Variants in CRACD observed in about 807,000 individuals in gnomAD.
The protein encoded by CRACD is capping protein inhibiting regulator of actin dynamics.
A neutral mutation model predicts 106.8 loss-of-function variants in CRACD; 56 were observed. The observed-to-expected ratio is 0.52, with a 90% CI of 0.42 to 0.66. The LOEUF (loss-of-function observed/expected upper bound fraction) is 0.66, where lower values mean the gene tolerates loss of function less well. Among genes scored for constraint, CRACD ranks in the 30% least tolerant of loss-of-function variants. The probability of loss-of-function intolerance (pLI) is 0.00; values close to 1 mark genes in which losing one functional copy is unlikely to be tolerated. For missense variants in CRACD, 1,730 were observed against 1,623.2 expected, an observed-to-expected ratio of 1.07 and a Z score of -1.13; for synonymous variants, 754 against 670.8, an observed-to-expected ratio of 1.12 and a Z score of -1.92.
chr4:56,257,409 G>T (rs112848640), intron 2 of CRACD, among the ~76,000 whole-genome samples: 4,238 of 151,942 alleles, frequency 0.028, 88 homozygotes, highest in South Asian at 0.097. Context: ...GGCCCTGTGG[G>T]CTGGGTGCAG....
chr4:56,145,601 T>C (rs927662041), intron 1 of CRACD, among the ~76,000 whole-genome samples: 1 of 152,092 alleles, frequency 6.6e-6, no homozygotes, highest in Non-Finnish European at 1.5e-5. Flanking sequence ...TATTTTCATA[T>C]ATTATTTTTT....
rs183424515 is a variant in CRACD, at chr4:56,243,514, A to G, written c.-188-28807A>G. On this transcript the variant is annotated intron_variant, in intron 2 of 10. Coordinates refer to ENST00000682029, the MANE Select transcript of CRACD (RefSeq NM_001393381.1). ...AACTTAGTCTATAAACAAATACACTATATTAAAAAACAAAACACCTGGCTT... is the reference window on the plus strand; with the variant it reads ...AACTTAGTCTATAAACAAATACACTGTATTAAAAAACAAAACACCTGGCTT... Among the ~76,000 whole-genome samples the G allele has an allele frequency of 4.6e-5, 7 of 152,350 alleles. 1 individual carries two copies. The highest frequency in any genetic ancestry group is 2.6e-4 in the Admixed American group (4 of 15,306).
chr4:56,275,506 C>G (rs1742626221), intron 3 of CRACD, among the ~76,000 whole-genome samples: 1 of 152,142 alleles, frequency 6.6e-6, no homozygotes, highest in African/African-American at 2.4e-5. Context: ...ACATATTTCT[C>G]TTTTCTAGGG....
Position 56,281,518 on chromosome 4 carries a change from C to T in CRACD, c.-17+9026C>T, listed in dbSNP as rs1743038636. ...GTGTCTCACTCGAGAGCTGTGTGAC[C>T]CTCACCTAGCTAGCGCCTTCGTCTC... On this transcript the variant is annotated intron_variant, in intron 3 of 10. Transcript: ENST00000682029. Among the ~76,000 whole-genome samples the T allele has an allele frequency of 2.0e-5, 3 of 150,624 alleles. No homozygotes were observed. The South Asian group carries it at 6.3e-4, about 32-fold the overall frequency.
At chr4:56,191,197 T>C (rs552823951) in intron 2 of CRACD, among the ~76,000 whole-genome samples, 12 of 152,306 alleles carry the variant, frequency 7.9e-5, no homozygotes, top group East Asian at 3.9e-4. Context: ...ACAACACAAA[T>C]TGTAGTTCTA....
At chr4:56,294,371 C>T (rs1277933896) in intron 3 of CRACD, among the ~76,000 whole-genome samples, 1 of 151,992 alleles carries the variant, frequency 6.6e-6, no homozygotes, top group Non-Finnish European at 1.5e-5. Context: ...TAGTCTATAC[C>T]ATTTACAATA....
intron 1 of CRACD, among the ~76,000 whole-genome samples, chr4:56,082,965 A>G (rs1194745676): frequency 6.6e-6 from 1 of 152,184 alleles, no homozygotes; most frequent in African/African-American, 2.4e-5. Flanking sequence ...AGAGAAAGAT[A>G]CACAGATAAA....
chr4:56,155,940 G>GA (rs1221718621), intron 1 of CRACD, among the ~76,000 whole-genome samples: 5 of 152,036 alleles, frequency 3.3e-5, no homozygotes, highest in Non-Finnish European at 5.9e-5. Flanking sequence ...GAACCTATGG[G>GA]AAAAAATGTG....
intron 1 of CRACD, among the ~76,000 whole-genome samples, chr4:56,093,052 T>C (rs1486118319): frequency 6.6e-6 from 1 of 152,250 alleles, no homozygotes; most frequent in Non-Finnish European, 1.5e-5. Context: ...ATTTGAGTGC[T>C]AGATCCACTA....
chr4:56,144,030 A>C (rs921494750), intron 1 of CRACD, among the ~76,000 whole-genome samples: 1 of 152,220 alleles, frequency 6.6e-6, no homozygotes, highest in Non-Finnish European at 1.5e-5. Context: ...TTCTGGAGGA[A>C]GTCACCTTAA....
At chr4:56,133,447 A>G (rs11736354) in intron 1 of CRACD, among the ~76,000 whole-genome samples, 10,952 of 152,266 alleles carry the variant, frequency 0.072, 493 homozygotes, top group Admixed American at 0.14. Flanking sequence ...ACTGTCTCCC[A>G]TCAATCAATC....
intron 1 of CRACD, among the ~76,000 whole-genome samples, chr4:56,075,721 T>C (rs1732817941): frequency 6.6e-6 from 1 of 152,214 alleles, no homozygotes; most frequent in Non-Finnish European, 1.5e-5. Flanking sequence ...TGGCATCGTA[T>C]AATATCTAAA....
At chr4:56,197,904 C>T (rs1213106575) in intron 2 of CRACD, among the ~76,000 whole-genome samples, 11 of 152,154 alleles carry the variant, frequency 7.2e-5, no homozygotes, top group Admixed American at 7.2e-4. Context: ...GTCTCGATCT[C>T]CTGACCTTCT....
intron 8 of CRACD, among the ~76,000 whole-genome samples, chr4:56,322,812 T>G (rs1412108684): frequency 6.6e-6 from 1 of 152,140 alleles, no homozygotes; most frequent in Admixed American, 6.5e-5. Context: ...GTGGATCACT[T>G]AAGGTCAGGA....
Position 56,179,359 on chromosome 4 carries a change from T to A in CRACD, c.-260T>A, listed in dbSNP as rs1736717005. The A allele has an allele frequency of 6.6e-6, 1 of 152,156 alleles. No homozygotes were observed. Among genetic ancestry groups the A allele is most frequent in the African/African-American group, 2.4e-5 (1 of 41,436 alleles). 9.4% of individuals were successfully genotyped at this position (152,156 alleles called of 1,614,324 possible). A position where few individuals can be genotyped will look rare whatever the true frequency, so the allele number is the denominator to read the frequency against. ...TGACATTTACAGCTGAAGGTGAAGT[T>A]TCCCTTTTGCAAGGAGAAAATTTTG... On this transcript the variant is annotated 5_prime_UTR_variant, in exon 2 of 11. Coordinates refer to ENST00000682029, the MANE Select transcript of CRACD (RefSeq NM_001393381.1).
intron 2 of CRACD, among the ~76,000 whole-genome samples, chr4:56,192,509 C>T (rs745618866): frequency 9.2e-5 from 14 of 151,956 alleles, no homozygotes; most frequent in Admixed American, 1.3e-4. Flanking sequence ...CTAAATAGGG[C>T]GTGATACAAA....
intron 2 of CRACD, among the ~76,000 whole-genome samples, chr4:56,215,591 G>T (rs186904203): frequency 6.6e-6 from 1 of 152,286 alleles, no homozygotes; most frequent in African/African-American, 2.4e-5. Flanking sequence ...TGAGAAACGA[G>T]TCTAAGTCTG....
intron 10 of CRACD, 71 bp downstream of exon 10, chr4:56,324,337 A>G: frequency 6.9e-7 from 1 of 1,440,674 alleles, no homozygotes; most frequent in African/African-American, 1.4e-5. Context: ...TTTATATCCT[A>G]CAGTGTAATG....
chr4:56,191,174 A>G (rs1737353340), intron 2 of CRACD, among the ~76,000 whole-genome samples: 1 of 150,048 alleles, frequency 6.7e-6, no homozygotes, highest in Non-Finnish European at 1.5e-5. Context: ...TATCATAAAC[A>G]TAGTGGCTTA....
Sources: gnomAD v4.1 joint callset for allele counts (sites outside exome capture counted in the v4.1 genomes callset) on GRCh38, gnomAD v4.1.1 for gene constraint, MANE v1.5 for transcripts, NCBI Gene and HGNC (gene_info 2026-07-23, HGNC 2026-07-21) for gene names.